Variants in CENPF observed in about 807,000 individuals in gnomAD.
The protein encoded by CENPF is AH antigen.
In CENPF, 214 loss-of-function variants were observed where a neutral mutation model predicts 307.3. That is an observed-to-expected ratio of 0.70 (90% confidence interval 0.62 to 0.78). The LOEUF is 0.78. Ranked by LOEUF, CENPF falls within the 30% of genes least tolerant of loss-of-function variation. CENPF has a pLI of 0.00. For synonymous variants in CENPF, 1,259 were observed against 1,270.6 expected (o/e 0.99, Z 0.19); for missense variants, 3,401 against 3,483.9 (o/e 0.98, Z 0.60).
chr1:214,654,191 A>G (rs1231939709), intron 16 of CENPF: 2 of 152,222 alleles, frequency 1.3e-5, no homozygotes, highest in Non-Finnish European at 2.9e-5. Context: ...ATAATATCCC[A>G]GAGGGATCTG....
In CENPF at chr1:214,643,105, T is replaced by G; in HGVS notation, c.4767T>G (p.Ser1589Arg). The G allele has an allele frequency of 6.2e-7, 1 of 1,604,228 alleles. No homozygotes were observed. Among genetic ancestry groups the G allele is most frequent in the Non-Finnish European group, 8.5e-7 (1 of 1,177,410 alleles). The change falls in exon 12 of 20, where the codon AGT becomes AGG. Residue 1589 changes from serine (S) to arginine (R), a missense_variant. Physicochemically the swap from Ser to Arg is moderately radical, Grantham distance 110 (BLOSUM62 -1). Coordinates refer to ENST00000366955, the MANE Select transcript of CENPF (RefSeq NM_016343.4). ...TTCAAGAGCTCGAGCAGTTATTAAG[T>G]TCTGAAAGGCAAGAGCTTGACTGCC... ...KEIQELEQLL[S>R]SERQELDCLR...
At chr1:214,634,953 A>C (rs1657915303) in intron 10 of CENPF, among the ~76,000 whole-genome samples, 1 of 152,220 alleles carries the variant, frequency 6.6e-6, no homozygotes, top group East Asian at 1.9e-4. Flanking sequence ...TGGAAATGTG[A>C]TTTAATGGCC....
intron 12 of CENPF, 102 bp from the exon 13 acceptor site, chr1:214,644,455 C>A: frequency 9.3e-7 from 1 of 1,071,306 alleles, no homozygotes; most frequent in Non-Finnish European, 1.3e-6. Context: ...ATGTGTTTAG[C>A]AGAGGCCACG....
In CENPF at chr1:214,644,562, T is replaced by G; in HGVS notation, c.4992T>G (p.Ile1664Met). 6.3e-7 allele frequency: 1 copy of G among 1,586,712 alleles called. No individual in the cohort carries two copies. Among genetic ancestry groups the G allele is most frequent in the Admixed American group, 1.8e-5 (1 of 55,388 alleles). ...SLLGIDTEDA[I>M]QGRNESCDIS... ...GTTATGTATTATAATTACAGGCTAT[T>G]CAAGGCCGAAATGAGAGCTGTGACA... Residue 1664 changes from isoleucine (I) to methionine (M), a missense_variant, in exon 13 of 20, where the codon ATT becomes ATG. Physicochemically the swap from Ile to Met is conservative, Grantham distance 10. Coordinates refer to ENST00000366955, the MANE Select transcript of CENPF (RefSeq NM_016343.4).
rs746271221 is a variant in CENPF, at chr1:214,642,408, A to G, written c.4070A>G (p.His1357Arg). Residue 1357 changes from histidine (H) to arginine (R), a missense_variant, in exon 12 of 20, where the codon CAT becomes CGT. His to Arg is a conservative substitution (Grantham distance 29). Coordinates refer to ENST00000366955, the MANE Select transcript of CENPF (RefSeq NM_016343.4). ...KILNDDSGLL[H>R]GELVEDIPGG... ...TTAAATGATGACAGTGGTCTTCTCCATGGTGAGTTAGTGGAAGACATACCA... is the reference window on the plus strand; with the variant it reads ...TTAAATGATGACAGTGGTCTTCTCCGTGGTGAGTTAGTGGAAGACATACCA... 5 of 1,602,752 alleles carry G rather than the reference A, an allele frequency of 3.1e-6. No homozygotes were observed. Among genetic ancestry groups the G allele is most frequent in the Admixed American group, 1.7e-5 (1 of 58,602 alleles).
chr1:214,606,261 C>T (rs879602631), intron 1 of CENPF, among the ~76,000 whole-genome samples: 2 of 152,166 alleles, frequency 1.3e-5, no homozygotes, highest in East Asian at 2.0e-4. Context: ...AACACCGCGG[C>T]GGTGGGCGAA....
chr1:214,644,818 T>A lies in CENPF; in HGVS notation c.5248T>A (p.Ser1750Thr). The A allele has an allele frequency of 6.2e-7, 1 of 1,614,080 alleles. No homozygotes were observed. The highest frequency in any genetic ancestry group is 8.5e-7 in the Non-Finnish European group (1 of 1,180,008). The change falls in exon 13 of 20, where the codon TCA becomes ACA. Residue 1750 changes from serine to threonine, a missense_variant. Transcript: ENST00000366955. The stretch of plus-strand genomic sequence containing the variant: ...CTCTTCAGAATGCATTTCTGAATTG[T>A]CATTTTCTGGTCCTAATGCTTTGGT... ...QGSSECISEL[S>T]FSGPNALVPM...
chr1:214,636,516 A>C (rs918932081), intron 10 of CENPF, among the ~76,000 whole-genome samples: 1 of 152,198 alleles, frequency 6.6e-6, no homozygotes, highest in African/African-American at 2.4e-5. Flanking sequence ...TATTTTAATG[A>C]TGAAATGAAC....
intron 15 of CENPF, 132 bp from the exon 16 acceptor site, chr1:214,652,696 G>C: frequency 1.5e-6 from 1 of 661,164 alleles, no homozygotes; most frequent in South Asian, 2.4e-5. Flanking sequence ...GCCCACCTTG[G>C]CCTCCCAAAG....
At chr1:214,652,444 CTTTTTTTTTTTTTT>C (rs34873218) in intron 15 of CENPF, among the ~76,000 whole-genome samples, 1 of 120,948 alleles carries the variant, frequency 8.3e-6, no homozygotes, top group African/African-American at 3.3e-5. Flanking sequence ...TTTTTCTTTT[CTTTTTTTTTTTTTT>C]TTTGAGACTG....
intron 8 of CENPF, among the ~76,000 whole-genome samples, 158 bp downstream of exon 8, chr1:214,629,329 T>G (rs1657742005): frequency 6.6e-6 from 1 of 152,192 alleles, no homozygotes; most frequent in African/African-American, 2.4e-5. Context: ...TTCTTTCACA[T>G]CTTCACTTTT....
At chr1:214,613,292 A>T (rs2807663) in intron 1 of CENPF, 2 of 252,242 alleles carry the variant, frequency 7.9e-6, no homozygotes, top group Non-Finnish European at 1.6e-5. Context: ...TCTTCTAAAC[A>T]CCAGCTAACT....
chr1:214,639,886 A>G, intron 11 of CENPF, 35 bp from the exon 12 acceptor site: 1 of 1,421,120 alleles, frequency 7.0e-7, no homozygotes. Context: ...AACATTTATT[A>G]CAAACATTGA....
intron 19 of CENPF, among the ~76,000 whole-genome samples, chr1:214,661,172 A>G (rs1187948756): frequency 1.3e-5 from 2 of 152,200 alleles, no homozygotes; most frequent in Admixed American, 1.3e-4. Flanking sequence ...TGTTCAGTGC[A>G]TTAGCTACAT....
rs1437412829 is a variant in CENPF, at chr1:214,641,602, A to G, written c.3264A>G (p.Lys1088=). 6.4e-7 allele frequency: 1 copy of G among 1,553,494 alleles called. No homozygotes were observed. Among genetic ancestry groups the G allele is most frequent in the South Asian group, 1.2e-5 (1 of 80,500 alleles). ...FAKEHQEFLT[K]LAFAEERNQN... ...AGGAACACCAAGAATTCTTAACAAA[A>G]TTAGCATTTGCTGAAGAAAGAAATC... Residue 1088 remains lysine (K), a synonymous_variant, in exon 12 of 20, where the codon AAA becomes AAG. Coordinates refer to ENST00000366955, the MANE Select transcript of CENPF (RefSeq NM_016343.4).
In CENPF at chr1:214,645,765, A is replaced by G. The variant is rs749575735; in HGVS notation, c.6195A>G (p.Lys2065=). 1.2e-6 allele frequency: 2 copies of G among 1,614,218 alleles called. No individual in the cohort carries two copies. Among genetic ancestry groups the G allele is most frequent in the Admixed American group, 3.3e-5 (2 of 60,024 alleles). The change falls in exon 13 of 20, where the codon AAA becomes AAG. Residue 2065 remains lysine (K), a synonymous_variant. Transcript: ENST00000366955. ...ENQIAQLNKE[K]ELLVKESESL... The stretch of plus-strand genomic sequence containing the variant: ...AAATTGCACAACTGAATAAAGAGAA[A>G]GAATTGCTTGTCAAGGAATCTGAAA...
At chr1:214,604,154 A>C (rs1043059965) in intron 1 of CENPF, among the ~76,000 whole-genome samples, 3 of 152,120 alleles carry the variant, frequency 2.0e-5, no homozygotes, top group African/African-American at 7.2e-5. Flanking sequence ...AATTCTGACA[A>C]CGGGAAAGCA....
At chr1:214,616,015 A>G (rs1400097263) in intron 3 of CENPF, among the ~76,000 whole-genome samples, 1 of 151,910 alleles carries the variant, frequency 6.6e-6, no homozygotes, top group Non-Finnish European at 1.5e-5. Flanking sequence ...GCAGAAACTT[A>G]TTTTTTCCAT....
intron 14 of CENPF, among the ~76,000 whole-genome samples, chr1:214,649,414 A>G (rs558573897): frequency 6.6e-6 from 1 of 152,314 alleles, no homozygotes; most frequent in East Asian, 1.9e-4. Context: ...AGATGAAATG[A>G]AACCTGTTTG....
Sources: gnomAD v4.1 joint callset for allele counts (sites outside exome capture counted in the v4.1 genomes callset) on GRCh38, gnomAD v4.1.1 for gene constraint, MANE v1.5 for transcripts, NCBI Gene and HGNC (gene_info 2026-07-23, HGNC 2026-07-21) for gene names.